SRBD1: variants seen among roughly 807,000 people sequenced by gnomAD.
SRBD1 encodes the protein S1 RNA-binding domain-containing protein 1.
A neutral mutation model predicts 115.3 loss-of-function variants in SRBD1; 88 were observed. The observed-to-expected ratio is 0.76, with a 90% CI of 0.64 to 0.91. SRBD1 has a LOEUF of 0.91. Ranked by LOEUF, SRBD1 falls within the 40% of genes least tolerant of loss-of-function variation. The pLI is 0.00. For synonymous variants in SRBD1, 509 were observed against 407.7 expected (o/e 1.25, Z -2.99); for missense variants, 1,385 against 1,177.4 (o/e 1.18, Z -2.58).
At chr2:45,498,799 T>A (rs1670538702) in intron 14 of SRBD1, among the ~76,000 whole-genome samples, 1 of 152,160 alleles carries the variant, frequency 6.6e-6, no homozygotes, top group Non-Finnish European at 1.5e-5. Context: ...TCCAGTTCCA[T>A]CCAGGCTGCT....
chr2:45,394,654 G>C (rs1199961627), intron 19 of SRBD1, among the ~76,000 whole-genome samples: 1 of 152,140 alleles, frequency 6.6e-6, no homozygotes, highest in Admixed American at 6.5e-5. Context: ...GTGATACTCT[G>C]ATAATAATAA....
chr2:45,422,558 G>C (rs372844423), intron 16 of SRBD1, among the ~76,000 whole-genome samples: 2 of 152,294 alleles, frequency 1.3e-5, no homozygotes, highest in African/African-American at 4.8e-5. Flanking sequence ...ACAATAGAAT[G>C]AACAATGCAG....
At chr2:45,472,427 T>C (rs1669677045) in intron 16 of SRBD1, among the ~76,000 whole-genome samples, 1 of 152,204 alleles carries the variant, frequency 6.6e-6, no homozygotes, top group Middle Eastern at 3.2e-3. Flanking sequence ...TTGTACATTT[T>C]AAATCAATGA....
intron 16 of SRBD1, among the ~76,000 whole-genome samples, chr2:45,425,492 G>A (rs1197984869): frequency 6.6e-6 from 1 of 152,074 alleles, no homozygotes; most frequent in East Asian, 1.9e-4. Flanking sequence ...CTATTCTGAT[G>A]CCATTAAAAA....
At chr2:45,495,591 G>C (rs1291290868) in intron 14 of SRBD1, among the ~76,000 whole-genome samples, 2 of 151,822 alleles carry the variant, frequency 1.3e-5, no homozygotes, top group South Asian at 2.1e-4. Flanking sequence ...ATACCATAAA[G>C]TATTTAATGG....
intron 4 of SRBD1, among the ~76,000 whole-genome samples, chr2:45,586,145 G>A (rs576284943): frequency 6.6e-6 from 1 of 152,198 alleles, no homozygotes; most frequent in Non-Finnish European, 1.5e-5. Flanking sequence ...GTCATTGCTA[G>A]TGAGCAATTT....
intron 12 of SRBD1, among the ~76,000 whole-genome samples, chr2:45,548,117 A>T (rs1356468376): frequency 6.6e-6 from 1 of 151,440 alleles, no homozygotes; most frequent in Non-Finnish European, 1.5e-5. Flanking sequence ...GATTAAAAGT[A>T]TTTTTTAAAA....
intron 10 of SRBD1, among the ~76,000 whole-genome samples, chr2:45,557,067 T>C (rs1436355788): frequency 2.0e-5 from 3 of 152,262 alleles, no homozygotes; most frequent in South Asian, 2.1e-4. Context: ...GAAGAAATTA[T>C]AGCATATGTA....
At chr2:45,575,887 A>G (rs1056463820) in intron 7 of SRBD1, among the ~76,000 whole-genome samples, 19 of 152,098 alleles carry the variant, frequency 1.2e-4, no homozygotes, top group African/African-American at 4.6e-4. Context: ...TATTTTTAGT[A>G]GTGACGGGCT....
intron 19 of SRBD1, among the ~76,000 whole-genome samples, chr2:45,398,813 A>C (rs1311740186): frequency 6.6e-6 from 1 of 152,164 alleles, no homozygotes; most frequent in Non-Finnish European, 1.5e-5. Flanking sequence ...CACAGTGATT[A>C]TGCAACTTTC....
At chr2:45,419,262 T>C (rs1667927706) in intron 17 of SRBD1, among the ~76,000 whole-genome samples, 1 of 152,234 alleles carries the variant, frequency 6.6e-6, no homozygotes, top group East Asian at 1.9e-4. Flanking sequence ...GTGTAATAAA[T>C]GCAAAACTGT....
intron 14 of SRBD1, among the ~76,000 whole-genome samples, chr2:45,527,017 G>T (rs1216997912): frequency 6.6e-6 from 1 of 151,876 alleles, no homozygotes; most frequent in Non-Finnish European, 1.5e-5. Context: ...ATCATTTTAA[G>T]TTGTTTCCAT....
intron 14 of SRBD1, among the ~76,000 whole-genome samples, chr2:45,492,732 C>G (rs1314618585): frequency 6.6e-6 from 1 of 152,142 alleles, no homozygotes; most frequent in African/African-American, 2.4e-5. Flanking sequence ...AGCCACTGCG[C>G]CCAGCCAAAA....
chr2:45,586,375 G>C (rs949950061), intron 4 of SRBD1, among the ~76,000 whole-genome samples: 4 of 152,002 alleles, frequency 2.6e-5, no homozygotes, highest in Non-Finnish European at 4.4e-5. Context: ...TACCATGCAA[G>C]CATTTAAGAA....
chr2:45,527,211 A>C (rs1264534954), intron 14 of SRBD1, among the ~76,000 whole-genome samples: 2 of 151,912 alleles, frequency 1.3e-5, no homozygotes. Context: ...CAAGTTTTAA[A>C]TCAATTCAAA....
At chr2:45,504,406 G>T (rs1407832523) in intron 14 of SRBD1, among the ~76,000 whole-genome samples, 1 of 152,048 alleles carries the variant, frequency 6.6e-6, no homozygotes, top group Admixed American at 6.6e-5. Flanking sequence ...AAAGATTAGA[G>T]TCATTGGAGC....
rs757468488 is a variant in SRBD1 at position 45,605,448 on chromosome 2, G to GA, written c.1-8dup. 1.7e-5 allele frequency: 28 copies of GA among 1,612,314 alleles called. No individual in the cohort carries two copies. The highest frequency in any genetic ancestry group is 2.0e-5 in the Non-Finnish European group (24 of 1,179,238). On this transcript the variant is annotated splice_region_variant and splice_polypyrimidine_tract_variant and intron_variant, in intron 1 of 20. Transcript: ENST00000263736. ...TTCTTGGCAATGATGACATCTAGAA[G>GA]AAACAGAAAATAAAATCAGCAACAC...
At chr2:45,391,224 C>T (rs565411364) in intron 20 of SRBD1, among the ~76,000 whole-genome samples, 1 of 152,256 alleles carries the variant, frequency 6.6e-6, no homozygotes, top group African/African-American at 2.4e-5. Flanking sequence ...TCAGAAAATC[C>T]TCTGTGTACC....
intron 14 of SRBD1, among the ~76,000 whole-genome samples, chr2:45,542,858 G>T (rs1671991348): frequency 6.6e-6 from 1 of 152,112 alleles, no homozygotes; most frequent in Non-Finnish European, 1.5e-5. Context: ...AATGAATACT[G>T]TTCAGGAATA....
Sources: gnomAD v4.1 joint callset for allele counts (sites outside exome capture counted in the v4.1 genomes callset) on GRCh38, gnomAD v4.1.1 for gene constraint, MANE v1.5 for transcripts, NCBI Gene and HGNC (gene_info 2026-07-23, HGNC 2026-07-21) for gene names.